Variants in RNFT2 observed in about 807,000 individuals in gnomAD.
RNFT2 encodes E3 ubiquitin-protein ligase RNFT2.
In RNFT2, 36 loss-of-function variants were observed where a neutral mutation model predicts 53.0. The observed-to-expected ratio is 0.68, with a 90% confidence interval of 0.52 to 0.90. The LOEUF (loss-of-function observed/expected upper bound fraction) is 0.90, where lower values mean the gene tolerates loss of function less well. Among genes scored for constraint, RNFT2 ranks in the 40% least tolerant of loss-of-function variants. The pLI is 0.00. For synonymous variants in RNFT2, 260 were observed against 253.2 expected, an observed-to-expected ratio of 1.03 and a Z score of -0.26; for missense variants, 514 against 585.6, an observed-to-expected ratio of 0.88 and a Z score of 1.26.
chr12:116,807,178 C>T (rs556851004), intron 7 of RNFT2, among the ~76,000 whole-genome samples: 7 of 152,110 alleles, frequency 4.6e-5, no homozygotes, highest in South Asian at 4.2e-4. Context: ...ATCTCTGTAC[C>T]GGGGTGATTA....
chr12:116,794,641 A>T (rs1201569839), intron 7 of RNFT2, among the ~76,000 whole-genome samples: 1 of 97,440 alleles, frequency 1.0e-5, no homozygotes, highest in Non-Finnish European at 1.9e-5. Context: ...AGGGGAGGGG[A>T]GGGGAGAAGG....
chr12:116,788,821 T>C (rs559007574), intron 7 of RNFT2, among the ~76,000 whole-genome samples: 1 of 70,608 alleles, frequency 1.4e-5, no homozygotes, highest in Admixed American at 1.8e-4. Context: ...GGTGGATGGA[T>C]GGATAGATGG....
In RNFT2 at chr12:116,766,851, C is replaced by G. The variant is rs1451434503; in HGVS notation, c.665C>G (p.Ala222Gly). The G allele has an allele frequency of 6.3e-7, 1 of 1,598,890 alleles. No homozygotes were observed. Among genetic ancestry groups the G allele is most frequent in the Non-Finnish European group, 8.5e-7 (1 of 1,172,418 alleles). Residue 222 changes from alanine to glycine, a missense_variant, in exon 6 of 11, where the codon GCC becomes GGC. Ala to Gly is a moderately conservative substitution (Grantham distance 60). This residue lies in a region of RNFT2 where 273 missense variants were observed against 334.4 expected (regional missense o/e 0.82). Coordinates refer to ENST00000257575, the MANE Select transcript of RNFT2 (RefSeq NM_001382266.1). ...GTGCTGGTCATCTTGTGGATCCTGG[C>G]CTTTCTGGCGGGGAACACCCTCTAT... ...RSVLVILWIL[A>G]FLAGNTLYVL...
chr12:116,780,718 A>T (rs1873657348), intron 7 of RNFT2, among the ~76,000 whole-genome samples: 1 of 151,972 alleles, frequency 6.6e-6, no homozygotes, highest in African/African-American at 2.4e-5. Context: ...AGGGAAAACA[A>T]CAGGCCTAGG....
At chr12:116,815,479 A>G (rs943788602) in intron 7 of RNFT2, among the ~76,000 whole-genome samples, 2 of 152,122 alleles carry the variant, frequency 1.3e-5, no homozygotes, top group Non-Finnish European at 2.9e-5. Flanking sequence ...TCTAGCTTCT[A>G]GAAGCTCCCT....
chr12:116,815,546 G>C (rs1021858321), intron 7 of RNFT2, among the ~76,000 whole-genome samples: 2 of 152,084 alleles, frequency 1.3e-5, no homozygotes, highest in Non-Finnish European at 2.9e-5. Flanking sequence ...TCCAACCTCT[G>C]TGTCTGTTGT....
At position 116,850,471 on chromosome 12, in the gene RNFT2, C is replaced by T. The variant is rs1247319685; in HGVS notation, c.*1023C>T. The stretch of plus-strand genomic sequence containing the variant: ...CAGGTATGAGCCCCTGTGCCCAGCC[C>T]ACCTGCTGGTTATTTTAACTTAGTA... On this transcript the variant is annotated 3_prime_UTR_variant, in exon 11 of 11. Coordinates refer to ENST00000257575, the MANE Select transcript of RNFT2 (RefSeq NM_001382266.1). The T allele has an allele frequency of 1.3e-5, 2 of 151,984 alleles. No individual in the cohort carries two copies. The highest frequency in any genetic ancestry group is 2.1e-4 in the South Asian group (1 of 4,824). 9.4% of individuals were successfully genotyped at this position (151,984 alleles called of 1,614,324 possible).
chr12:116,802,741 G>A (rs1487084321), intron 7 of RNFT2, among the ~76,000 whole-genome samples: 1 of 152,144 alleles, frequency 6.6e-6, no homozygotes, highest in Non-Finnish European at 1.5e-5. Flanking sequence ...GAGAGAATAA[G>A]TTTCTTTTGT....
chr12:116,846,437 A>ATT (rs35922781), intron 10 of RNFT2, among the ~76,000 whole-genome samples: 12 of 104,378 alleles, frequency 1.1e-4, no homozygotes, highest in African/African-American at 2.2e-4. Flanking sequence ...TGCCCAGCTA[A>ATT]TTTTTTTTTT....
chr12:116,780,619 G>A (rs575866489), intron 7 of RNFT2, among the ~76,000 whole-genome samples: 21 of 151,274 alleles, frequency 1.4e-4, no homozygotes, highest in East Asian at 3.9e-4. Flanking sequence ...AGATGAAGCC[G>A]CAGCTCTGGT....
intron 7 of RNFT2, among the ~76,000 whole-genome samples, chr12:116,808,960 G>A (rs1471234702): frequency 3.9e-5 from 6 of 152,266 alleles, no homozygotes; most frequent in Non-Finnish European, 5.9e-5. Context: ...GCCTGGCTCC[G>A]CCCCAGCTGC....
At chr12:116,778,137 T>TCTTC (rs1363753783) in intron 6 of RNFT2, among the ~76,000 whole-genome samples, 1 of 151,378 alleles carries the variant, frequency 6.6e-6, no homozygotes, top group Non-Finnish European at 1.5e-5. Context: ...TTCCCTCCTT[T>TCTTC]CTTCCTTCCT....
At chr12:116,817,964 A>G (rs1222460048) in intron 7 of RNFT2, among the ~76,000 whole-genome samples, 1 of 152,236 alleles carries the variant, frequency 6.6e-6, no homozygotes, top group Admixed American at 6.5e-5. Context: ...ACGCAAATAT[A>G]GAACTTCAAG....
intron 7 of RNFT2, among the ~76,000 whole-genome samples, chr12:116,827,134 C>G (rs1220869795): frequency 3.3e-5 from 5 of 150,328 alleles, no homozygotes; most frequent in African/African-American, 1.2e-4. Context: ...GCAGGAGAAT[C>G]GTTTGAATCC....
At chr12:116,840,812 A>G (rs1448677800) in intron 10 of RNFT2, among the ~76,000 whole-genome samples, 1 of 152,146 alleles carries the variant, frequency 6.6e-6, no homozygotes, top group East Asian at 1.9e-4. Flanking sequence ...ATGGGTTTTG[A>G]AAATCATAGT....
chr12:116,764,908 A>G (rs1210127445), intron 5 of RNFT2, among the ~76,000 whole-genome samples: 1 of 152,100 alleles, frequency 6.6e-6, no homozygotes, highest in African/African-American at 2.4e-5. Flanking sequence ...CAAACAAACA[A>G]AACAGTAGGA....
At chr12:116,753,941 A>G (rs1160908867) in intron 4 of RNFT2, 43 bp from the exon 5 acceptor site, 3 of 1,544,018 alleles carry the variant, frequency 1.9e-6, no homozygotes, top group African/African-American at 1.4e-5. Context: ...GCTAGGCCTG[A>G]TGAGTCTAAG....
At chr12:116,833,276 G>C (rs1466161597) in intron 7 of RNFT2, among the ~76,000 whole-genome samples, 1 of 152,142 alleles carries the variant, frequency 6.6e-6, no homozygotes, top group Non-Finnish European at 1.5e-5. Flanking sequence ...GAGAGCAGGT[G>C]GTGGAGCTAG....
intron 5 of RNFT2, among the ~76,000 whole-genome samples, chr12:116,765,073 T>C (rs1872851280): frequency 6.6e-6 from 1 of 152,176 alleles, no homozygotes; most frequent in South Asian, 2.1e-4. Context: ...TGCCTGTATG[T>C]GCGTATCTTC....
Sources: gnomAD v4.1 joint callset for allele counts (sites outside exome capture counted in the v4.1 genomes callset) on GRCh38, gnomAD v4.1.1 for gene constraint, gnomAD v4.1.1 regional missense constraint, MANE v1.5 for transcripts, NCBI Gene and HGNC (gene_info 2026-07-23, HGNC 2026-07-21) for gene names.